The following SMARCB1 variants were observed in gnomAD, a reference collection of about 807,000 sequenced individuals.
SMARCB1 encodes SWI/SNF related BAF chromatin remodeling complex subunit B1.
In SMARCB1, 5 loss-of-function variants were observed where a neutral mutation model predicts 49.0. That is an observed-to-expected ratio of 0.10 (90% CI 0.05 to 0.21). The LOEUF is 0.21. Ranked by LOEUF, SMARCB1 falls within the 10% of genes least tolerant of loss-of-function variation. The pLI is 1.00. For missense variants in SMARCB1, 226 were observed against 509.2 expected (o/e 0.44, Z 5.35); for synonymous variants, 201 against 200.1 (o/e 1.00, Z -0.04).
At chr22:23,793,241 G>A in intron 2 of SMARCB1, 2 of 423,560 alleles carry the variant, frequency 4.7e-6, no homozygotes, top group Non-Finnish European at 8.9e-6. Flanking sequence ...ATGTTCTGGA[G>A]TCGAGTGTCC....
chr22:23,802,980 G>C (rs139193336), intron 4 of SMARCB1: 2 of 457,626 alleles, frequency 4.4e-6, no homozygotes, highest in African/African-American at 2.0e-5. Flanking sequence ...CTTTCCCATA[G>C]CCTTCCATGA....
At chr22:23,808,269 C>T (rs1411547636) in intron 5 of SMARCB1, among the ~76,000 whole-genome samples, 3 of 151,950 alleles carry the variant, frequency 2.0e-5, no homozygotes, top group East Asian at 1.9e-4. Flanking sequence ...TACAGGTGCC[C>T]GCCGCCATGC....
intron 7 of SMARCB1, among the ~76,000 whole-genome samples, chr22:23,830,938 T>A (rs6003901): frequency 1.3e-5 from 2 of 152,092 alleles, no homozygotes; most frequent in South Asian, 4.1e-4. Context: ...GGATTACAGG[T>A]GTGAGCCACT....
chr22:23,823,434 T>C (rs1365215124), intron 6 of SMARCB1: 1 of 152,284 alleles, frequency 6.6e-6, no homozygotes, highest in Non-Finnish European at 1.5e-5. Flanking sequence ...TGGGCGTATG[T>C]GGAGATAGCA....
In SMARCB1 at chr22:23,837,279, A is replaced by C; in HGVS notation, c.*3099A>C. On this transcript the variant is annotated 3_prime_UTR_variant, in exon 9 of 9. Transcript: ENST00000644036. ...CAGGCCCCACAGCATGAGTGCCCCA[A>C]AGCCTTGCACAGAGTGCCAGCCCCG... is the stretch of plus-strand genomic sequence containing the variant. 7.9e-7 allele frequency: 1 copy of C among 1,260,944 alleles called. No homozygotes were observed. Among genetic ancestry groups the C allele is most frequent in the Non-Finnish European group, 1.1e-6 (1 of 899,754 alleles). The allele number at this position is 1,260,944 out of a possible 1,614,324, so 78.1% of individuals were successfully genotyped here. A position where few individuals can be genotyped will look rare whatever the true frequency, so the allele number is the denominator to read the frequency against.
chr22:23,788,772 TG>T (rs1484714024), intron 1 of SMARCB1, among the ~76,000 whole-genome samples: 1 of 152,318 alleles, frequency 6.6e-6, no homozygotes, highest in East Asian at 1.9e-4. Flanking sequence ...CATGAATGAA[TG>T]AAGCCTCAAG....
intron 1 of SMARCB1, among the ~76,000 whole-genome samples, chr22:23,791,524 C>T (rs577784313): frequency 3.0e-4 from 46 of 152,206 alleles, no homozygotes; most frequent in Non-Finnish European, 5.9e-4. Flanking sequence ...AGGCATCTGC[C>T]CAGGCCTTTC....
intron 3 of SMARCB1, among the ~76,000 whole-genome samples, chr22:23,795,806 T>G (rs1928708721): frequency 6.7e-6 from 1 of 148,610 alleles, no homozygotes; most frequent in Admixed American, 6.7e-5. Flanking sequence ...TTTTTTTTTT[T>G]GAGATGGAGT....
chr22:23,834,064 C>T, intron 8 of SMARCB1, 77 bp from the exon 9 acceptor site: 1 of 1,482,268 alleles, frequency 6.7e-7, no homozygotes, highest in Non-Finnish European at 9.2e-7. Flanking sequence ...ACTTGGCTGC[C>T]CTGTAGAGCC....
intron 3 of SMARCB1, among the ~76,000 whole-genome samples, chr22:23,799,679 A>ATTTTTTTTTTTTTTTTTTTTTTTTT (rs71184912): frequency 1.0e-4 from 7 of 68,414 alleles, no homozygotes; most frequent in African/African-American, 4.1e-4. Context: ...CACCTGGCTA[A>ATTTTTTTTTTTTTTTTTTTTTTTTT]TTTTTTTTTT....
chr22:23,799,571 G>A (rs1334666312), intron 3 of SMARCB1, among the ~76,000 whole-genome samples: 1 of 129,614 alleles, frequency 7.7e-6, no homozygotes, highest in Non-Finnish European at 1.6e-5. Context: ...GGACTGCAAT[G>A]GTGTAATCTC....
In SMARCB1 at chr22:23,836,234, C is replaced by T. The variant is rs2146056260; in HGVS notation, c.*2054C>T. On this transcript the variant is annotated 3_prime_UTR_variant, in exon 9 of 9. Coordinates refer to ENST00000644036, the MANE Select transcript of SMARCB1 (RefSeq NM_003073.5). ...GAAAGGGCAGAAGACCTAGTCCTGGCCCTCTTCTGCACCTGAATCCATGGG... is the reference window on the plus strand; with the variant it reads ...GAAAGGGCAGAAGACCTAGTCCTGGTCCTCTTCTGCACCTGAATCCATGGG... The T allele has an allele frequency of 1.0e-6, 1 of 985,462 alleles. No homozygotes were observed. Among genetic ancestry groups the T allele is most frequent in the Non-Finnish European group, 1.2e-6 (1 of 829,928 alleles). 61.0% of individuals were successfully genotyped at this position (985,462 alleles called of 1,614,324 possible).
chr22:23,790,622 C>A (rs765318257), intron 1 of SMARCB1, among the ~76,000 whole-genome samples: 5 of 152,016 alleles, frequency 3.3e-5, no homozygotes, highest in African/African-American at 4.8e-5. Flanking sequence ...GTGGGCAGAT[C>A]GCTTGAGCCC....
At chr22:23,798,693 C>A (rs1928926331) in intron 3 of SMARCB1, among the ~76,000 whole-genome samples, 1 of 152,148 alleles carries the variant, frequency 6.6e-6, no homozygotes, top group South Asian at 2.1e-4. Context: ...TGCCCTCCCC[C>A]ACCCTCTGGA....
At chr22:23,789,091 CTG>C (rs1928204276) in intron 1 of SMARCB1, among the ~76,000 whole-genome samples, 2 of 152,210 alleles carry the variant, frequency 1.3e-5, no homozygotes, top group African/African-American at 4.8e-5. Context: ...CTCAAGTGAT[CTG>C]CCCGCCTCGG....
chr22:23,804,205 CTTA>C (rs1412804598), intron 5 of SMARCB1: 7 of 151,062 alleles, frequency 4.6e-5, no homozygotes, highest in African/African-American at 1.7e-4. Flanking sequence ...CTTTATTTTA[CTTA>C]TTTTTTTTTT....
chr22:23,836,028 T>C lies in SMARCB1; in HGVS notation c.*1848T>C. The C allele has an allele frequency of 1.0e-6, 1 of 985,366 alleles. No individual in the cohort carries two copies. The highest frequency in any genetic ancestry group is 1.2e-6 in the Non-Finnish European group (1 of 829,940). 61.0% of individuals were successfully genotyped at this position (985,366 alleles called of 1,614,324 possible). A position where few individuals can be genotyped will look rare whatever the true frequency, so the allele number is the denominator to read the frequency against. On this transcript the variant is annotated 3_prime_UTR_variant, in exon 9 of 9. Coordinates refer to ENST00000644036, the MANE Select transcript of SMARCB1 (RefSeq NM_003073.5). ...GAGCATCCAGAAATAAACCACAACA[T>C]GGACAGGCTTAGAACAACAAGGAAA... is the stretch of plus-strand genomic sequence containing the variant.
intron 1 of SMARCB1, among the ~76,000 whole-genome samples, chr22:23,788,893 A>C (rs1335462700): frequency 6.7e-6 from 1 of 149,874 alleles, no homozygotes; most frequent in Non-Finnish European, 1.5e-5. Context: ...TCTATCACCC[A>C]GGCTGGAGTG....
chr22:23,813,629 TGAAG>T (rs1398481632), intron 5 of SMARCB1, among the ~76,000 whole-genome samples: 1 of 152,092 alleles, frequency 6.6e-6, no homozygotes, highest in Non-Finnish European at 1.5e-5. Context: ...ACGAAAGTAA[TGAAG>T]GAAGACCTAA....
Sources: allele counts gnomAD v4.1 joint callset (sites outside exome capture counted in the v4.1 genomes callset), GRCh38; gene constraint gnomAD v4.1.1; transcripts MANE v1.5; gene names NCBI Gene and HGNC (gene_info 2026-07-23, HGNC 2026-07-21).